Variants in CELF2 observed in about 807,000 individuals in gnomAD.
CELF2 encodes the protein CUG triplet repeat RNA-binding protein 2.
Under a neutral mutation model 62.6 loss-of-function variants are expected in CELF2, and 8 were observed. The observed-to-expected ratio is 0.13, with a 90% CI of 0.07 to 0.23. CELF2 has a LOEUF of 0.23. Among genes scored for constraint, CELF2 ranks in the 10% least tolerant of loss-of-function variants. The pLI is 1.00. For synonymous variants in CELF2, 258 were observed against 250.0 expected, an observed-to-expected ratio of 1.03 and a Z score of -0.30; for missense variants, 333 against 671.0, an observed-to-expected ratio of 0.50 and a Z score of 5.56.
intron 2 of CELF2, among the ~76,000 whole-genome samples, chr10:11,190,069 A>G (rs955590867): frequency 6.6e-6 from 1 of 152,208 alleles, no homozygotes; most frequent in Non-Finnish European, 1.5e-5. Flanking sequence ...TCTTTCTGCA[A>G]ACTCCTGTAA....
At chr10:11,005,099 G>C, upstream of CELF2, 4 of 985,332 alleles carry the variant, frequency 4.1e-6, no homozygotes, top group South Asian at 1.9e-4. This position sits in a 1 kb window ranked among gnomAD's most constrained non-coding sequence, Gnocchi z 4.3. Flanking sequence ...ATGCAGACAA[G>C]ACCCCTATAG....
At chr10:10,846,561 GA>G (rs1434825691) in intron 1 of CELF2, among the ~76,000 whole-genome samples, 1 of 152,100 alleles carries the variant, frequency 6.6e-6, no homozygotes, top group Non-Finnish European at 1.5e-5. Context: ...TATCACCAGG[GA>G]TAAAGATTTA....
intron 1 of CELF2, among the ~76,000 whole-genome samples, chr10:11,045,702 G>A (rs539106392): frequency 2.0e-5 from 3 of 152,294 alleles, no homozygotes; most frequent in Admixed American, 6.5e-5. Context: ...AAATGCAAAT[G>A]TATGACCTCC....
chr10:10,648,796 A>T, the CELF2 span, among the ~76,000 whole-genome samples: 2 of 152,212 alleles, frequency 1.3e-5, no homozygotes, highest in Admixed American at 1.3e-4. Context: ...AAATGTCATG[A>T]TTATCCCAAA....
the CELF2 span, among the ~76,000 whole-genome samples, chr10:10,475,591 A>G: frequency 6.6e-6 from 1 of 152,098 alleles, no homozygotes; most frequent in African/African-American, 2.4e-5. Context: ...TCTGGAACAC[A>G]AATATAATCA....
intron 2 of CELF2, among the ~76,000 whole-genome samples, chr10:10,954,170 T>C (rs2048624090): frequency 1.3e-5 from 2 of 151,014 alleles, no homozygotes; most frequent in Non-Finnish European, 2.9e-5. Context: ...GATAGGAGCA[T>C]AAATTGGTAC....
the CELF2 span, among the ~76,000 whole-genome samples, chr10:10,496,820 G>A: frequency 6.6e-6 from 1 of 152,098 alleles, no homozygotes; most frequent in Non-Finnish European, 1.5e-5. Context: ...GGGTGTGGAG[G>A]TTCATTGGAG....
At chr10:10,518,058 T>C in the CELF2 span, among the ~76,000 whole-genome samples, 1 of 152,200 alleles carries the variant, frequency 6.6e-6, no homozygotes. Flanking sequence ...CCCAGCTGTC[T>C]GAACGTCTCA....
At chr10:11,275,848 C>T (rs1240938570) in intron 8 of CELF2, among the ~76,000 whole-genome samples, 1 of 152,156 alleles carries the variant, frequency 6.6e-6, no homozygotes, top group Non-Finnish European at 1.5e-5. Flanking sequence ...AACACGGGGC[C>T]AGGGAAGGCA....
chr10:11,221,611 G>A (rs2064907972), intron 3 of CELF2, among the ~76,000 whole-genome samples: 1 of 152,140 alleles, frequency 6.6e-6, no homozygotes, highest in South Asian at 2.1e-4. Context: ...AGCATTCACT[G>A]TATAAATTAA....
At chr10:10,519,290 C>A in the CELF2 span, among the ~76,000 whole-genome samples, 1 of 152,052 alleles carries the variant, frequency 6.6e-6, no homozygotes, top group East Asian at 1.9e-4. Flanking sequence ...ACAATAGCAA[C>A]CTATAAATGC....
intron 2 of CELF2, among the ~76,000 whole-genome samples, chr10:10,963,528 A>C (rs2049788512): frequency 6.6e-6 from 1 of 152,166 alleles, no homozygotes; most frequent in Non-Finnish European, 1.5e-5. Flanking sequence ...CATGCTCAAA[A>C]CTAGAGAAAT....
At chr10:11,200,047 G>T (rs970504232) in intron 2 of CELF2, among the ~76,000 whole-genome samples, 1 of 152,152 alleles carries the variant, frequency 6.6e-6, no homozygotes. Flanking sequence ...CACGCCTTCT[G>T]GATTTCTAGT....
intron 2 of CELF2, among the ~76,000 whole-genome samples, chr10:10,984,259 T>C (rs2052481762): frequency 6.6e-6 from 1 of 152,206 alleles, no homozygotes; most frequent in Admixed American, 6.5e-5. Flanking sequence ...GGCCACCTTC[T>C]TTTTACTTCA....
At chr10:10,515,399 T>C in the CELF2 span, among the ~76,000 whole-genome samples, 1 of 152,226 alleles carries the variant, frequency 6.6e-6, no homozygotes, top group Non-Finnish European at 1.5e-5. Flanking sequence ...AGCTCATTCA[T>C]TGGAGCTGAA....
At chr10:10,892,286 G>C (rs779261863) in intron 1 of CELF2, among the ~76,000 whole-genome samples, 16 of 152,128 alleles carry the variant, frequency 1.1e-4, no homozygotes, top group Non-Finnish European at 2.2e-4. Context: ...AGAGACTAGA[G>C]ATGTCCAGTT....
At chr10:10,466,464 AT>A in the CELF2 span, among the ~76,000 whole-genome samples, 3 of 152,154 alleles carry the variant, frequency 2.0e-5, no homozygotes, top group African/African-American at 7.2e-5. Flanking sequence ...GTGGATGAAC[AT>A]TTGGGTACTT....
intron 2 of CELF2, among the ~76,000 whole-genome samples, chr10:10,955,624 A>C (rs1349913407): frequency 6.6e-6 from 1 of 152,200 alleles, no homozygotes; most frequent in Non-Finnish European, 1.5e-5. Context: ...AGGCTTAGAG[A>C]GTTTGAATAC....
the CELF2 span, among the ~76,000 whole-genome samples, chr10:10,504,738 G>T: frequency 1.3e-5 from 2 of 151,298 alleles, no homozygotes; most frequent in Admixed American, 1.3e-4. Flanking sequence ...TCTTTTTTCA[G>T]TGTATTTCTC....
Sources: gnomAD v4.1 joint callset for allele counts (sites outside exome capture counted in the v4.1 genomes callset) on GRCh38, gnomAD v4.1.1 for gene constraint, Gnocchi (gnomAD v3.1) non-coding constraint, MANE v1.5 for transcripts, NCBI Gene and HGNC (gene_info 2026-07-23, HGNC 2026-07-21) for gene names.